ARHGAP12: variants seen among roughly 807,000 people sequenced by gnomAD.
The protein encoded by ARHGAP12 is rho GTPase-activating protein 12.
In ARHGAP12, 64 loss-of-function variants were observed where a neutral mutation model predicts 108.6. The ratio of observed to expected loss-of-function variants is 0.59; its 90% CI spans 0.48 to 0.73. ARHGAP12 has a LOEUF of 0.73. Ranked by LOEUF, ARHGAP12 falls within the 30% of genes least tolerant of loss-of-function variation. The pLI is 0.00. For missense variants in ARHGAP12, 940 were observed against 1,005.9 expected (o/e 0.93, Z 0.89); for synonymous variants, 312 against 337.2 (o/e 0.93, Z 0.82).
rs1186769274 is a variant in ARHGAP12, at chr10:31,808,979, G to C, written c.2263+15C>G. On this transcript the variant is annotated intron_variant, in intron 18 of 19. Coordinates refer to ENST00000344936, the MANE Select transcript of ARHGAP12 (RefSeq NM_018287.7). ...TTCAATATCTAGAAAAAACTGAGTA[G>C]AATTACATACTTACTAATTGCATTA... 2 of 1,557,280 alleles carry C rather than the reference G, an allele frequency of 1.3e-6. No homozygotes were observed. The highest frequency in any genetic ancestry group is 1.2e-5 in the South Asian group (1 of 85,162).
chr10:31,907,995 A>T (rs1390064991), intron 3 of ARHGAP12, among the ~76,000 whole-genome samples, 177 bp downstream of exon 3: 1 of 152,260 alleles, frequency 6.6e-6, no homozygotes, highest in Non-Finnish European at 1.5e-5. Flanking sequence ...GTGACCCTTT[A>T]TGAACTCCAC....
chr10:31,891,167 T>A (rs1293680366), intron 3 of ARHGAP12, among the ~76,000 whole-genome samples: 1 of 152,224 alleles, frequency 6.6e-6, no homozygotes, highest in Non-Finnish European at 1.5e-5. Context: ...GATGTGTTGT[T>A]CTATATAAAA....
intron 1 of ARHGAP12, among the ~76,000 whole-genome samples, chr10:31,926,982 G>A (rs1292982562): frequency 2.0e-5 from 3 of 152,234 alleles, no homozygotes; most frequent in African/African-American, 7.2e-5. Flanking sequence ...TCTCCAGCTT[G>A]ATGAAGTACG....
chr10:31,865,815 T>C (rs571947640), intron 3 of ARHGAP12, among the ~76,000 whole-genome samples: 3 of 151,790 alleles, frequency 2.0e-5, no homozygotes, highest in East Asian at 3.9e-4. Flanking sequence ...GAGGCAGAGC[T>C]TGCAGTGAGC....
chr10:31,919,862 T>C (rs1366385598), intron 1 of ARHGAP12, among the ~76,000 whole-genome samples: 2 of 151,072 alleles, frequency 1.3e-5, no homozygotes, highest in African/African-American at 4.9e-5. Flanking sequence ...CTCACGCCAG[T>C]CATCCCAGCA....
At chr10:31,884,058 A>T (rs2132377099) in intron 3 of ARHGAP12, among the ~76,000 whole-genome samples, 1 of 150,516 alleles carries the variant, frequency 6.6e-6, no homozygotes, top group African/African-American at 2.4e-5. Context: ...AGTGAATATT[A>T]GCATAGTTTA....
intron 1 of ARHGAP12, among the ~76,000 whole-genome samples, chr10:31,912,258 G>C (rs555000616): frequency 6.6e-6 from 1 of 152,200 alleles, no homozygotes; most frequent in Non-Finnish European, 1.5e-5. Flanking sequence ...AGAGATGAGC[G>C]AGGGAATATG....
chr10:31,840,567 A>T (rs1836224905), intron 7 of ARHGAP12, among the ~76,000 whole-genome samples: 1 of 152,100 alleles, frequency 6.6e-6, no homozygotes, highest in Non-Finnish European at 1.5e-5. Flanking sequence ...ATTACCTATT[A>T]TTAATTTGTT....
At chr10:31,923,975 T>A (rs762400397) in intron 1 of ARHGAP12, among the ~76,000 whole-genome samples, 1 of 152,196 alleles carries the variant, frequency 6.6e-6, no homozygotes, top group Non-Finnish European at 1.5e-5. Flanking sequence ...TTAAAAAAAC[T>A]GTTAAAACCC....
At chr10:31,817,751 C>A in intron 13 of ARHGAP12, 37 bp downstream of exon 13, 1 of 1,394,332 alleles carries the variant, frequency 7.2e-7, no homozygotes, top group Admixed American at 2.3e-5. Context: ...AGAAAAACAG[C>A]TCTGAAGTAA....
intron 7 of ARHGAP12, among the ~76,000 whole-genome samples, chr10:31,842,859 C>A (rs1283340357): frequency 6.6e-6 from 1 of 152,072 alleles, no homozygotes; most frequent in Non-Finnish European, 1.5e-5. Flanking sequence ...GAATAAGTAA[C>A]CTCTAAAGAA....
chr10:31,861,834 A>T (rs1837129264), intron 3 of ARHGAP12, among the ~76,000 whole-genome samples, 176 bp from the exon 4 acceptor site: 1 of 152,216 alleles, frequency 6.6e-6, no homozygotes, highest in South Asian at 2.1e-4. Flanking sequence ...TTCATTGAAA[A>T]ATAAATAAAA....
chr10:31,926,365 G>A (rs1326768241), intron 1 of ARHGAP12, among the ~76,000 whole-genome samples: 1 of 151,848 alleles, frequency 6.6e-6, no homozygotes, highest in African/African-American at 2.4e-5. Flanking sequence ...AAGGATAGTG[G>A]CCCAATAGGT....
intron 3 of ARHGAP12, among the ~76,000 whole-genome samples, chr10:31,896,199 T>A (rs1443123443): frequency 1.3e-5 from 2 of 151,246 alleles, no homozygotes; most frequent in Non-Finnish European, 2.9e-5. Flanking sequence ...GTAACAAACC[T>A]GCACATTGTG....
Position 31,810,710 on chromosome 10 carries a change from C to G in ARHGAP12, c.1989G>C (p.Gln663His), listed in dbSNP as rs1407498794. 1.9e-6 allele frequency: 3 copies of G among 1,609,368 alleles called. No individual in the cohort carries two copies. Among genetic ancestry groups the G allele is most frequent in the African/African-American group, 1.3e-5 (1 of 74,574 alleles). Residue 663 changes from glutamine (Q) to histidine (H), a missense_variant, in exon 16 of 20, where the codon CAG becomes CAC. Gln to His is a conservative substitution (Grantham distance 24). Transcript: ENST00000344936. Reference sequence around the variant, plus strand: ...ACTTTGGTACTGTGCCATTCTCTCTCTGACACAGATTAGCGAGATTGGATC... The same window carrying G: ...ACTTTGGTACTGTGCCATTCTCTCTGTGACACAGATTAGCGAGATTGGATC... ...VFGSNLANLCQRENGTVPKFV... is the reference protein window; with the variant it reads ...VFGSNLANLCHRENGTVPKFV...
intron 3 of ARHGAP12, among the ~76,000 whole-genome samples, chr10:31,891,890 G>A (rs1237061494): frequency 6.6e-6 from 1 of 152,078 alleles, no homozygotes; most frequent in Non-Finnish European, 1.5e-5. Context: ...TAAAGCTTGT[G>A]CATTCGTCAC....
At chr10:31,814,118 A>T (rs539781083) in intron 14 of ARHGAP12, 141 bp downstream of exon 14, 23 of 671,628 alleles carry the variant, frequency 3.4e-5, no homozygotes, top group Non-Finnish European at 6.0e-5. Context: ...GCGCTGACAC[A>T]CTGAGACTGC....
chr10:31,831,016 T>C (rs1046254563), intron 10 of ARHGAP12, among the ~76,000 whole-genome samples: 3 of 152,346 alleles, frequency 2.0e-5, no homozygotes, highest in South Asian at 4.1e-4. Flanking sequence ...GCAATTCCAC[T>C]TTTTGTAAAA....
At chr10:31,824,106 C>CT (rs1835511912) in intron 11 of ARHGAP12, among the ~76,000 whole-genome samples, 1 of 152,050 alleles carries the variant, frequency 6.6e-6, no homozygotes, top group Non-Finnish European at 1.5e-5. Context: ...CTCTTACTTC[C>CT]TTTTACTTAG....
Sources: allele counts gnomAD v4.1 joint callset (sites outside exome capture counted in the v4.1 genomes callset), GRCh38; gene constraint gnomAD v4.1.1; transcripts MANE v1.5; gene names NCBI Gene and HGNC (gene_info 2026-07-23, HGNC 2026-07-21).